SEMA5A: variants seen among roughly 807,000 people sequenced by gnomAD.
SEMA5A encodes the protein semaphorin 5A.
A neutral mutation model predicts 135.5 loss-of-function variants in SEMA5A; 55 were observed. That is an observed-to-expected ratio of 0.41 (90% CI 0.33 to 0.51). SEMA5A has a LOEUF of 0.51. SEMA5A is among the 20% of genes least tolerant of loss of function. The pLI is 0.37. For synonymous variants in SEMA5A, 580 were observed against 546.5 expected (o/e 1.06, Z -0.85); for missense variants, 1,290 against 1,419.9 (o/e 0.91, Z 1.47).
At chr5:9,515,631 G>A (rs931350201) in intron 1 of SEMA5A, among the ~76,000 whole-genome samples, 5 of 152,094 alleles carry the variant, frequency 3.3e-5, no homozygotes, top group African/African-American at 4.8e-5. Context: ...GTCACACCCC[G>A]GCCAGTCCAA....
At chr5:9,153,619 G>A (rs577948601) in intron 12 of SEMA5A, among the ~76,000 whole-genome samples, 41 of 151,960 alleles carry the variant, frequency 2.7e-4, no homozygotes, top group African/African-American at 9.2e-4. Flanking sequence ...GGAGGGGGGG[G>A]TGTCCCGGAA....
chr5:9,309,754 T>G (rs1226291955), intron 5 of SEMA5A, among the ~76,000 whole-genome samples: 1 of 152,134 alleles, frequency 6.6e-6, no homozygotes, highest in Non-Finnish European at 1.5e-5. Context: ...TCTCTGAAAC[T>G]AGTAAAATCT....
chr5:9,101,628 G>T (rs1739637401), intron 16 of SEMA5A, among the ~76,000 whole-genome samples: 1 of 152,062 alleles, frequency 6.6e-6, no homozygotes, highest in African/African-American at 2.4e-5. Flanking sequence ...ATTATAAAAT[G>T]GTATTTTCAT....
intron 3 of SEMA5A, among the ~76,000 whole-genome samples, chr5:9,374,910 C>T (rs1755299262): frequency 6.6e-6 from 1 of 152,096 alleles, no homozygotes. Context: ...TTCCCAGTTG[C>T]TGTGCCCTCC....
In SEMA5A at chr5:9,040,029, C is replaced by G. The variant is rs786843; in HGVS notation, c.*2868G>C. On this transcript the variant is annotated 3_prime_UTR_variant, in exon 23 of 23. Transcript: ENST00000382496. The stretch of plus-strand genomic sequence containing the variant: ...CTTCCTCATGAAAACCAGCCTATCT[C>G]CAACTGTATTCAGAAATAATTTTAG... 107,202 of 152,142 alleles carry G rather than the reference C, an allele frequency of 0.7. 38,593 individuals are homozygous for G. Among genetic ancestry groups the G allele is most frequent in the East Asian group, 0.93 (4,812 of 5,176 alleles). The allele number at this position is 152,142 out of a possible 1,614,324, so 9.4% of individuals were successfully genotyped here. A position where few individuals can be genotyped will look rare whatever the true frequency, so the allele number is the denominator to read the frequency against.
intron 2 of SEMA5A, among the ~76,000 whole-genome samples, chr5:9,418,793 T>G (rs1757369190): frequency 6.6e-6 from 1 of 152,182 alleles, no homozygotes; most frequent in Non-Finnish European, 1.5e-5. Context: ...TCCAGAGACA[T>G]CTGTTGGTGC....
At chr5:9,335,010 A>G (rs1294846500) in intron 4 of SEMA5A, among the ~76,000 whole-genome samples, 2 of 152,110 alleles carry the variant, frequency 1.3e-5, no homozygotes, top group African/African-American at 2.4e-5. Context: ...TGAGGACTCC[A>G]GGGATATTGA....
At chr5:9,354,140 TA>T (rs1405128155) in intron 3 of SEMA5A, among the ~76,000 whole-genome samples, 1 of 152,052 alleles carries the variant, frequency 6.6e-6, no homozygotes, top group Admixed American at 6.5e-5. Context: ...ATGAGGAAAA[TA>T]AATGTCCTTC....
chr5:9,155,551 T>C (rs1424557769), intron 11 of SEMA5A, among the ~76,000 whole-genome samples: 2 of 152,278 alleles, frequency 1.3e-5, no homozygotes, highest in African/African-American at 4.8e-5. Context: ...TCCAGCCTTC[T>C]GGAAGCCGCT....
intron 1 of SEMA5A, among the ~76,000 whole-genome samples, chr5:9,441,889 A>C (rs1387026755): frequency 6.6e-6 from 1 of 152,204 alleles, no homozygotes; most frequent in Non-Finnish European, 1.5e-5. Flanking sequence ...TAACATGAGA[A>C]AGAGATGAGA....
intron 1 of SEMA5A, among the ~76,000 whole-genome samples, chr5:9,440,828 T>C (rs908359326): frequency 1.3e-5 from 2 of 152,220 alleles, no homozygotes; most frequent in African/African-American, 2.4e-5. Flanking sequence ...TGGTAGCCTT[T>C]ATCCTGCAGA....
intron 9 of SEMA5A, among the ~76,000 whole-genome samples, chr5:9,197,731 T>TATGTGTGTGTGTGTGC (rs1745478438): frequency 3.0e-5 from 1 of 33,566 alleles, no homozygotes; most frequent in Non-Finnish European, 7.3e-5. Context: ...AAGCTGTTTG[T>TATGTGTGTGTGTGTGC]GTGTGTGTGT....
chr5:9,399,960 G>A (rs2696366), intron 2 of SEMA5A, among the ~76,000 whole-genome samples: 35,981 of 152,112 alleles, frequency 0.24, 4,895 homozygotes, highest in East Asian at 0.45. Context: ...CATATACACC[G>A]TGGAATACTA....
intron 5 of SEMA5A, among the ~76,000 whole-genome samples, chr5:9,276,358 C>A (rs1272854280): frequency 6.6e-6 from 1 of 152,116 alleles, no homozygotes; most frequent in African/African-American, 2.4e-5. Context: ...TAGGAAGAAT[C>A]AATATTGTGA....
intron 3 of SEMA5A, among the ~76,000 whole-genome samples, chr5:9,340,458 C>T (rs1753598494): frequency 6.6e-6 from 1 of 152,158 alleles, no homozygotes; most frequent in Non-Finnish European, 1.5e-5. Context: ...ATTCATCTTT[C>T]TTTTTATTTA....
intron 1 of SEMA5A, among the ~76,000 whole-genome samples, chr5:9,478,138 G>T (rs1157069340): frequency 6.6e-6 from 1 of 152,228 alleles, no homozygotes; most frequent in Non-Finnish European, 1.5e-5. Context: ...TCCACGTGGT[G>T]TTCAGCCTTC....
intron 3 of SEMA5A, among the ~76,000 whole-genome samples, chr5:9,359,295 TA>T (rs1173306317): frequency 6.6e-6 from 1 of 152,162 alleles, no homozygotes; most frequent in Non-Finnish European, 1.5e-5. Flanking sequence ...CTCAGCTACA[TA>T]AAAGGGGAAA....
At chr5:9,388,310 A>G (rs1466583622) in intron 2 of SEMA5A, among the ~76,000 whole-genome samples, 1 of 152,202 alleles carries the variant, frequency 6.6e-6, no homozygotes, top group East Asian at 1.9e-4. Flanking sequence ...TTAGCTCCAG[A>G]TCGCCTGGAG....
intron 5 of SEMA5A, among the ~76,000 whole-genome samples, chr5:9,277,552 C>T (rs1349962442): frequency 1.3e-5 from 2 of 152,264 alleles, no homozygotes; most frequent in East Asian, 3.9e-4. Context: ...ATAGCAAAGA[C>T]TTGGAACCTA....
Sources: allele counts gnomAD v4.1 joint callset (sites outside exome capture counted in the v4.1 genomes callset), GRCh38; gene constraint gnomAD v4.1.1; transcripts MANE v1.5; gene names NCBI Gene and HGNC (gene_info 2026-07-23, HGNC 2026-07-21).